CDC42BPA: variants seen among roughly 807,000 people sequenced by gnomAD.
The protein encoded by CDC42BPA is serine/threonine-protein kinase MRCK alpha.
In CDC42BPA, 80 loss-of-function variants were observed where a neutral mutation model predicts 223.5. The observed-to-expected ratio is 0.36, with a 90% CI of 0.30 to 0.43. CDC42BPA has a LOEUF of 0.43. Ranked by LOEUF, CDC42BPA falls within the 20% of genes least tolerant of loss-of-function variation. The pLI is 1.00. For missense variants in CDC42BPA, 1,743 were observed against 2,099.9 expected (o/e 0.83, Z 3.32); for synonymous variants, 694 against 718.6 (o/e 0.97, Z 0.55).
chr1:227,296,680 T>G (rs1388574268), intron 1 of CDC42BPA, among the ~76,000 whole-genome samples: 1 of 130,202 alleles, frequency 7.7e-6, no homozygotes, highest in African/African-American at 3.0e-5. Context: ...CACTCCAGCC[T>G]GGGAAACAGA....
intron 17 of CDC42BPA, among the ~76,000 whole-genome samples, chr1:227,076,560 A>G (rs923886425): frequency 6.6e-6 from 1 of 152,098 alleles, no homozygotes; most frequent in Admixed American, 6.6e-5. Flanking sequence ...CCTGGCCCCA[A>G]CACTATCTCT....
chr1:227,157,577 T>C (rs964404009), intron 6 of CDC42BPA, among the ~76,000 whole-genome samples: 5 of 152,208 alleles, frequency 3.3e-5, no homozygotes, highest in African/African-American at 1.2e-4. Context: ...GTTCTCTTTA[T>C]AGGTTTGAGA....
chr1:227,086,780 GT>G (rs1682010365), intron 16 of CDC42BPA, among the ~76,000 whole-genome samples: 1 of 149,784 alleles, frequency 6.7e-6, no homozygotes, highest in African/African-American at 2.5e-5. Flanking sequence ...AAATCCTCCC[GT>G]TTTAGCCTTC....
intron 4 of CDC42BPA, 77 bp from the exon 5 acceptor site, chr1:227,194,011 C>A: frequency 1.1e-6 from 1 of 936,254 alleles, no homozygotes; most frequent in East Asian, 2.7e-5. Flanking sequence ...CCAAGGTCAA[C>A]AGGACTGGGT....
intron 3 of CDC42BPA, among the ~76,000 whole-genome samples, chr1:227,212,613 A>T (rs1674124913): frequency 6.6e-6 from 1 of 152,090 alleles, no homozygotes; most frequent in Admixed American, 6.6e-5. Context: ...ACATCACTCC[A>T]GTCAATCCTT....
chr1:227,235,459 T>C (rs922127278), intron 2 of CDC42BPA: 5 of 152,166 alleles, frequency 3.3e-5, no homozygotes, highest in Admixed American at 6.5e-5. Context: ...CAAGTGGGGA[T>C]GGGTGAGAAG....
intron 14 of CDC42BPA, among the ~76,000 whole-genome samples, chr1:227,111,342 C>T (rs1686880758): frequency 6.6e-6 from 1 of 152,164 alleles, no homozygotes; most frequent in Non-Finnish European, 1.5e-5. Flanking sequence ...TCAATTTGAT[C>T]TTAATTCACT....
In CDC42BPA at chr1:227,060,716, A is replaced by AG. The variant is rs1373925166; in HGVS notation, c.2905-8732_2905-8731insC. Reference sequence around the variant, plus strand: ...AACTCTGGCAGGTAAGTAAATAGGTACTTTTTTTTTTTTTTTTTTTTTTTT... The same window carrying AG: ...AACTCTGGCAGGTAAGTAAATAGGTAGCTTTTTTTTTTTTTTTTTTTTTTTT... On this transcript the variant is annotated intron_variant, in intron 21 of 36. Transcript: ENST00000366766. 4.4e-3 allele frequency among the ~76,000 whole-genome samples: 559 copies of AG among 126,512 alleles called. 10 individuals carry two copies. The highest frequency in any genetic ancestry group is 0.016 in the African/African-American group (528 of 33,154). The allele number at this position is 126,512 out of a possible 152,430, so 83.0% of individuals were successfully genotyped here. A position where few individuals can be genotyped will look rare whatever the true frequency, so the allele number is the denominator to read the frequency against.
intron 10 of CDC42BPA, among the ~76,000 whole-genome samples, chr1:227,135,088 C>T (rs1168266262): frequency 1.3e-5 from 2 of 152,192 alleles, no homozygotes; most frequent in East Asian, 1.9e-4. Flanking sequence ...TACCTGGAAG[C>T]CTTATCCATT....
At chr1:227,291,600 C>T (rs1044886758) in intron 1 of CDC42BPA, among the ~76,000 whole-genome samples, 4 of 151,958 alleles carry the variant, frequency 2.6e-5, no homozygotes, top group African/African-American at 7.2e-5. Context: ...TATACTACAA[C>T]AACAGTGAGA....
At chr1:227,236,023 T>C (rs771260843) in intron 2 of CDC42BPA, among the ~76,000 whole-genome samples, 22 of 152,248 alleles carry the variant, frequency 1.4e-4, no homozygotes, top group Non-Finnish European at 2.4e-4. Context: ...TCTTCCTGTG[T>C]TGTATATATA....
At chr1:227,294,886 A>AAAAAAAAG (rs1690383062) in intron 1 of CDC42BPA, among the ~76,000 whole-genome samples, 1 of 148,968 alleles carries the variant, frequency 6.7e-6, no homozygotes, top group East Asian at 2.0e-4. Flanking sequence ...AAAAAAAAAA[A>AAAAAAAAG]GAGGTTAATT....
At chr1:227,210,226 G>A (rs141529624) in intron 3 of CDC42BPA, among the ~76,000 whole-genome samples, 9,115 of 152,078 alleles carry the variant, frequency 0.06, 272 homozygotes, top group Non-Finnish European at 0.072. Context: ...TAATCCTTTG[G>A]GTATATACCC....
chr1:227,194,359 T>C (rs914805855), intron 4 of CDC42BPA, among the ~76,000 whole-genome samples: 4 of 152,344 alleles, frequency 2.6e-5, no homozygotes, highest in Admixed American at 2.0e-4. Context: ...ATTATCATTA[T>C]GTTTTCCTTA....
At chr1:227,264,759 G>T in intron 1 of CDC42BPA, 1 of 863,600 alleles carries the variant, frequency 1.2e-6, no homozygotes, top group Non-Finnish European at 2.0e-6. Context: ...TGGCCATGAG[G>T]TCTTCCAAGC....
chr1:227,039,635 C>T (rs1170165556), intron 24 of CDC42BPA, among the ~76,000 whole-genome samples: 1 of 151,978 alleles, frequency 6.6e-6, no homozygotes, highest in African/African-American at 2.4e-5. Flanking sequence ...TTCCCCTATC[C>T]ACTATTATGT....
intron 1 of CDC42BPA, among the ~76,000 whole-genome samples, chr1:227,296,507 A>C (rs1572925717): frequency 6.6e-6 from 1 of 152,086 alleles, no homozygotes; most frequent in Admixed American, 6.5e-5. Flanking sequence ...GGAGTTCGAG[A>C]CCAGCCTGGC....
chr1:227,134,017 C>T (rs1226912049), intron 10 of CDC42BPA, among the ~76,000 whole-genome samples: 1 of 128,016 alleles, frequency 7.8e-6, no homozygotes, highest in Non-Finnish European at 1.8e-5. Flanking sequence ...TTCAACTATA[C>T]ACTTTGTCAT....
At chr1:227,236,774 C>G (rs149672144) in intron 2 of CDC42BPA, among the ~76,000 whole-genome samples, 2,707 of 152,174 alleles carry the variant, frequency 0.018, 37 homozygotes, top group Non-Finnish European at 0.026. Flanking sequence ...GTGACAGAGG[C>G]ATATCATATA....
Sources: gnomAD v4.1 joint callset for allele counts (sites outside exome capture counted in the v4.1 genomes callset) on GRCh38, gnomAD v4.1.1 for gene constraint, MANE v1.5 for transcripts, NCBI Gene and HGNC (gene_info 2026-07-23, HGNC 2026-07-21) for gene names.